The following RAB8A variants were observed in gnomAD, a reference collection of about 807,000 sequenced individuals.
RAB8A encodes ras-related protein Rab-8A.
Under a neutral mutation model 29.2 loss-of-function variants are expected in RAB8A, and 5 were observed. The observed-to-expected ratio is 0.17, with a 90% CI of 0.09 to 0.36. The LOEUF (loss-of-function observed/expected upper bound fraction) is 0.36, where lower values mean the gene tolerates loss of function less well. Among genes scored for constraint, RAB8A ranks in the 10% least tolerant of loss-of-function variants. The pLI, the probability that RAB8A is intolerant of heterozygous loss-of-function variation, is 1.00. For missense variants in RAB8A, 171 were observed against 272.2 expected, an observed-to-expected ratio of 0.63 and a Z score of 2.62; for synonymous variants, 108 against 99.9, an observed-to-expected ratio of 1.08 and a Z score of -0.49.
Position 16,129,560 on chromosome 19 carries a change from T to A in RAB8A, c.487T>A (p.Phe163Ile), listed in dbSNP as rs1423406940. ...KANINVENAFFTLARDIKAKM... is the reference protein window; with the variant it reads ...KANINVENAFITLARDIKAKM... ...CAATGTGCTTATTCCACAGGCATTTTTCACTCTCGCCAGAGATATCAAAGC... is the reference window on the plus strand; with the variant it reads ...CAATGTGCTTATTCCACAGGCATTTATCACTCTCGCCAGAGATATCAAAGC... Residue 163 changes from phenylalanine (F) to isoleucine (I), a missense_variant, in exon 7 of 8, where the codon TTC becomes ATC. Physicochemically the swap from Phe to Ile is conservative, Grantham distance 21 (BLOSUM62 0). Transcript: ENST00000300935. The A allele has an allele frequency of 1.9e-6, 3 of 1,614,130 alleles. No individual in the cohort carries two copies. Among genetic ancestry groups the A allele is most frequent in the Non-Finnish European group, 2.5e-6 (3 of 1,180,000 alleles).
chr19:16,123,669 G>A (rs1340007901), intron 3 of RAB8A: 1 of 152,130 alleles, frequency 6.6e-6, no homozygotes, highest in Non-Finnish European at 1.5e-5. Context: ...TTGGGTCAAA[G>A]CAGCTATGTT....
chr19:16,128,161 G>C (rs1211484482), intron 6 of RAB8A, 70 bp downstream of exon 6: 14 of 1,533,454 alleles, frequency 9.1e-6, no homozygotes, highest in Non-Finnish European at 1.3e-5. Flanking sequence ...AGGGGGAGCT[G>C]GCGTCCTCCG....
intron 3 of RAB8A, 43 bp downstream of exon 3, chr19:16,121,853 C>A: frequency 6.4e-7 from 1 of 1,555,576 alleles, no homozygotes; most frequent in Non-Finnish European, 8.9e-7. Context: ...CTTTTTAAGT[C>A]AACATGGGAG....
intron 6 of RAB8A, among the ~76,000 whole-genome samples, chr19:16,129,309 G>A (rs2090915242): frequency 6.6e-6 from 1 of 152,152 alleles, no homozygotes; most frequent in Admixed American, 6.6e-5. Context: ...TCCCGTCAAT[G>A]CTAAGGTGCT....
chr19:16,125,571 C>G lies in RAB8A; in HGVS notation c.324+24C>G. 1 of 1,595,446 alleles carries G rather than the reference C, an allele frequency of 6.3e-7. No individual in the cohort carries two copies. Among genetic ancestry groups the G allele is most frequent in the Non-Finnish European group, 8.6e-7 (1 of 1,164,134 alleles). On this transcript the variant is annotated intron_variant, in intron 4 of 7. Transcript: ENST00000300935. The surrounding 1 kb of genome is among the most constrained non-coding windows in gnomAD (Gnocchi z 5.0). ...AGGTGAGGCCCTCCGGCTCCTCCCACTGTCCCTGCTTCAGTCCTTGTCCCA... is the reference window on the plus strand; with the variant it reads ...AGGTGAGGCCCTCCGGCTCCTCCCAGTGTCCCTGCTTCAGTCCTTGTCCCA...
At position 16,133,268 on chromosome 19, in the gene RAB8A, T is replaced by C. The variant is rs993636626; in HGVS notation, c.*964T>C. 1 of 152,246 alleles carries C rather than the reference T, an allele frequency of 6.6e-6. No individual in the cohort carries two copies. The highest frequency in any genetic ancestry group is 2.4e-5 in the African/African-American group (1 of 41,460). 9.4% of individuals were successfully genotyped at this position (152,246 alleles called of 1,614,324 possible). A position where few individuals can be genotyped will look rare whatever the true frequency, so the allele number is the denominator to read the frequency against. ...GATCGGGAACAAGCACGTTGTACCC[T>C]TGGCTGGACATGGCCAAGACACAAG... On this transcript the variant is annotated 3_prime_UTR_variant, in exon 8 of 8. Transcript: ENST00000300935.
chr19:16,123,152 C>G (rs1391166532), intron 3 of RAB8A, among the ~76,000 whole-genome samples: 1 of 152,198 alleles, frequency 6.6e-6, no homozygotes, highest in Non-Finnish European at 1.5e-5. Flanking sequence ...CTGAAGTTCA[C>G]TCAGCAGGTA....
chr19:16,122,090 G>T lies in RAB8A; in HGVS notation c.246+280G>T. On this transcript the variant is annotated intron_variant, in intron 3 of 7. Coordinates refer to ENST00000300935, the MANE Select transcript of RAB8A (RefSeq NM_005370.5). The surrounding 1 kb of genome is among the most constrained non-coding windows in gnomAD (Gnocchi z 4.7). Reference sequence around the variant, plus strand: ...AGACACAGGAAGCCGGTTCTTCCAGGTGAGCTCAGTGCAGTTAAAGCCGGC... The same window carrying T: ...AGACACAGGAAGCCGGTTCTTCCAGTTGAGCTCAGTGCAGTTAAAGCCGGC... 1 of 374,260 alleles carries T rather than the reference G, an allele frequency of 2.7e-6. No individual in the cohort carries two copies. The highest frequency in any genetic ancestry group is 5.0e-6 in the Non-Finnish European group (1 of 201,012). 23.2% of individuals were successfully genotyped at this position (374,260 alleles called of 1,614,324 possible). A position where few individuals can be genotyped will look rare whatever the true frequency, so the allele number is the denominator to read the frequency against.
chr19:16,113,701 A>T (rs1167524512), intron 1 of RAB8A, among the ~76,000 whole-genome samples: 5 of 152,160 alleles, frequency 3.3e-5, no homozygotes, highest in Admixed American at 2.0e-4. Flanking sequence ...CACCCAGCGG[A>T]GCTGTGCTTT....
chr19:16,124,885 G>T, intron 3 of RAB8A: 1 of 163,156 alleles, frequency 6.1e-6, no homozygotes, highest in South Asian at 1.6e-4. Context: ...TCTCCCAGTT[G>T]CTCACGTCTA....
intron 1 of RAB8A, among the ~76,000 whole-genome samples, chr19:16,114,677 C>G (rs2090839051): frequency 6.6e-6 from 1 of 150,946 alleles, no homozygotes; most frequent in Non-Finnish European, 1.5e-5. Context: ...CATGAGCCAC[C>G]GCGCCCAGCC....
intron 2 of RAB8A, 138 bp downstream of exon 2, chr19:16,118,424 C>T (rs2090856868): frequency 2.6e-6 from 2 of 760,146 alleles, no homozygotes; most frequent in Middle Eastern, 2.5e-4. Flanking sequence ...GGGGCTTTCT[C>T]CAGAAGCTCC....
In RAB8A at chr19:16,129,562, C is replaced by G. The variant is rs747266932; in HGVS notation, c.489C>G (p.Phe163Leu). The G allele has an allele frequency of 6.2e-6, 10 of 1,614,124 alleles. No individual in the cohort carries two copies. Among genetic ancestry groups the G allele is most frequent in the South Asian group, 3.3e-5 (3 of 91,082 alleles). ...KANINVENAFFTLARDIKAKM... is the reference protein window; with the variant it reads ...KANINVENAFLTLARDIKAKM... ...ATGTGCTTATTCCACAGGCATTTTT[C>G]ACTCTCGCCAGAGATATCAAAGCAA... The change falls in exon 7 of 8, where the codon TTC (phenylalanine) becomes TTG (leucine). Residue 163 changes from phenylalanine (F) to leucine (L), a missense_variant. Physicochemically the swap from Phe to Leu is conservative, Grantham distance 22 (BLOSUM62 0). Coordinates refer to ENST00000300935, the MANE Select transcript of RAB8A (RefSeq NM_005370.5).
intron 7 of RAB8A, among the ~76,000 whole-genome samples, chr19:16,130,106 G>A (rs761549475): frequency 4.6e-5 from 7 of 151,686 alleles, no homozygotes; most frequent in Non-Finnish European, 8.8e-5. Context: ...GGCCTCCAGG[G>A]AAGTCTGCAT....
In RAB8A at chr19:16,125,881, G is replaced by C. The variant is rs2090898639; in HGVS notation, c.324+334G>C. ...TCTAGAGAAGGAAGGGTCTAGCACA[G>C]GTGTGACCCTTGTAGTTGGAGGGTG... On this transcript the variant is annotated intron_variant, in intron 4 of 7. Transcript: ENST00000300935. This position sits in a 1 kb window ranked among gnomAD's most constrained non-coding sequence, Gnocchi z 5.0. The C allele has an allele frequency of 2.3e-6, 1 of 431,968 alleles. No individual in the cohort carries two copies. The highest frequency in any genetic ancestry group is 4.4e-6 in the Non-Finnish European group (1 of 228,852). The allele number at this position is 431,968 out of a possible 1,614,324, so 26.8% of individuals were successfully genotyped here.
At position 16,132,589 on chromosome 19, in the gene RAB8A, G is replaced by A. The variant is rs909703616; in HGVS notation, c.*285G>A. ...TATTCAGAGAGAGAGAGGGAGTCAAGGTGTGACCGTCGACCACAGCCAGTG... is the reference window on the plus strand; with the variant it reads ...TATTCAGAGAGAGAGAGGGAGTCAAAGTGTGACCGTCGACCACAGCCAGTG... On this transcript the variant is annotated 3_prime_UTR_variant, in exon 8 of 8. Coordinates refer to ENST00000300935, the MANE Select transcript of RAB8A (RefSeq NM_005370.5). This position sits in a 1 kb window ranked among gnomAD's most constrained non-coding sequence, Gnocchi z 5.6. 4.8e-6 allele frequency: 2 copies of A among 416,186 alleles called. No homozygotes were observed. The highest frequency in any genetic ancestry group is 8.9e-6 in the Non-Finnish European group (2 of 224,670). 25.8% of individuals were successfully genotyped at this position (416,186 alleles called of 1,614,324 possible). A position where few individuals can be genotyped will look rare whatever the true frequency, so the allele number is the denominator to read the frequency against.
Position 16,122,040 on chromosome 19 carries a change from A to G in RAB8A, c.246+230A>G. On this transcript the variant is annotated intron_variant, in intron 3 of 7. Coordinates refer to ENST00000300935, the MANE Select transcript of RAB8A (RefSeq NM_005370.5). This position sits in a 1 kb window ranked among gnomAD's most constrained non-coding sequence, Gnocchi z 4.7. Reference sequence around the variant, plus strand: ...CAATGCAAGGTTTAAATAAAGTGGAAACATAATTCTTTGGGAATGAAGAAA... The same window carrying G: ...CAATGCAAGGTTTAAATAAAGTGGAGACATAATTCTTTGGGAATGAAGAAA... 1 of 451,152 alleles carries G rather than the reference A, an allele frequency of 2.2e-6. No individual in the cohort carries two copies. The highest frequency in any genetic ancestry group is 3.3e-5 in the East Asian group (1 of 30,568). 27.9% of individuals were successfully genotyped at this position (451,152 alleles called of 1,614,324 possible).
At position 16,133,304 on chromosome 19, in the gene RAB8A, G is replaced by T. The variant is rs1038375337; in HGVS notation, c.*1000G>T. 4.6e-5 allele frequency: 7 copies of T among 152,234 alleles called. No homozygotes were observed. The highest frequency in any genetic ancestry group is 3.3e-4 in the Admixed American group (5 of 15,272). The allele number at this position is 152,234 out of a possible 1,614,324, so 9.4% of individuals were successfully genotyped here. A position where few individuals can be genotyped will look rare whatever the true frequency, so the allele number is the denominator to read the frequency against. ...TGGCCAAGACACAAGGCATTCCACG[G>T]CGGCAAGCTGACCGCACAGCAGTCT... On this transcript the variant is annotated 3_prime_UTR_variant, in exon 8 of 8. Transcript: ENST00000300935.
Position 16,125,012 on chromosome 19 carries a change from G to T in RAB8A, c.247-458G>T. The stretch of plus-strand genomic sequence containing the variant: ...GTCGGGTCAGGACTTCCTGGGCTCA[G>T]TTGTGCCTGGTAGGTGGCTCAGGCA... On this transcript the variant is annotated intron_variant, in intron 3 of 7. Coordinates refer to ENST00000300935, the MANE Select transcript of RAB8A (RefSeq NM_005370.5). The surrounding 1 kb of genome is among the most constrained non-coding windows in gnomAD (Gnocchi z 5.0). 374 of 205,234 alleles carry T rather than the reference G, an allele frequency of 1.8e-3. No individual in the cohort carries two copies. The highest frequency in any genetic ancestry group is 9.2e-3 in the South Asian group (112 of 12,214). The allele number at this position is 205,234 out of a possible 1,614,324, so 12.7% of individuals were successfully genotyped here. A position where few individuals can be genotyped will look rare whatever the true frequency, so the allele number is the denominator to read the frequency against.
Sources: gnomAD v4.1 joint callset for allele counts (sites outside exome capture counted in the v4.1 genomes callset) on GRCh38, gnomAD v4.1.1 for gene constraint, Gnocchi (gnomAD v3.1) non-coding constraint, MANE v1.5 for transcripts, NCBI Gene and HGNC (gene_info 2026-07-23, HGNC 2026-07-21) for gene names.